Variants in COL5A1 observed in about 807,000 individuals in gnomAD.
COL5A1 encodes collagen alpha-1(V) chain.
In COL5A1, 16 loss-of-function variants were observed where a neutral mutation model predicts 263.7. That is an observed-to-expected ratio of 0.06 (90% CI 0.04 to 0.09). The LOEUF (loss-of-function observed/expected upper bound fraction) is 0.09. COL5A1 is among the 10% of genes least tolerant of loss of function. The pLI, the probability that COL5A1 is intolerant of heterozygous loss-of-function variation, is 1.00. For missense variants in COL5A1, 2,036 were observed against 2,540.5 expected, an observed-to-expected ratio of 0.80 and a Z score of 4.27; for synonymous variants, 1,012 against 1,004.5, an observed-to-expected ratio of 1.01 and a Z score of -0.14.
chr9:134,811,535 T>C lies in COL5A1; in HGVS notation c.3626T>C (p.Phe1209Ser), dbSNP rs1172612547. 2 of 1,597,952 alleles carry C rather than the reference T, an allele frequency of 1.3e-6. No individual in the cohort carries two copies. Among genetic ancestry groups the C allele is most frequent in the Non-Finnish European group, 1.7e-6 (2 of 1,171,770 alleles). The change falls in exon 46 of 66, where the codon TTC (phenylalanine) becomes TCC (serine). Residue 1209 changes from phenylalanine to serine, a missense_variant. Coordinates refer to ENST00000371817, the MANE Select transcript of COL5A1 (RefSeq NM_000093.5). ...GGGCCTCGGGGCCAGCAGGGCCTTT[T>C]CGGGCAGAAAGGTGATGAAGGTCCC... is the stretch of plus-strand genomic sequence containing the variant. ...EPGPRGQQGL[F>S]GQKGDEGPRG...
At chr9:134,661,011 C>G (rs1041459192) in intron 1 of COL5A1, among the ~76,000 whole-genome samples, 4 of 152,036 alleles carry the variant, frequency 2.6e-5, no homozygotes, top group Middle Eastern at 3.4e-3. Flanking sequence ...GAACCATGCA[C>G]CTGGGTTCTT....
chr9:134,705,085 C>G (rs968715902), intron 4 of COL5A1, among the ~76,000 whole-genome samples: 1 of 152,204 alleles, frequency 6.6e-6, no homozygotes, highest in Non-Finnish European at 1.5e-5. Context: ...CCAATCTGTT[C>G]TGTGTTTAGA....
intron 25 of COL5A1, among the ~76,000 whole-genome samples, chr9:134,772,296 A>G (rs1836889207): frequency 6.6e-6 from 1 of 152,252 alleles, no homozygotes; most frequent in East Asian, 1.9e-4. Context: ...CAGCTCAGCA[A>G]TTGCTAGTCC....
At position 134,691,202 on chromosome 9, in the gene COL5A1, C is replaced by T. The variant is rs1008627417; in HGVS notation, c.277+123C>T. 7.9e-6 allele frequency: 10 copies of T among 1,271,926 alleles called. No individual in the cohort carries two copies. In the African/African-American group the frequency reaches 1.5e-4, roughly 19 times the overall value. The allele number at this position is 1,271,926 out of a possible 1,614,324, so 78.8% of individuals were successfully genotyped here. A position where few individuals can be genotyped will look rare whatever the true frequency, so the allele number is the denominator to read the frequency against. ...GCTCAGCTTTCCAGGAAGCCCCTCT[C>T]ACGAGCCCGGCTTCGTTTCACTGTA... On this transcript the variant is annotated intron_variant, in intron 2 of 65. Coordinates refer to ENST00000371817, the MANE Select transcript of COL5A1 (RefSeq NM_000093.5).
chr9:134,819,713 A>G (rs920767418), intron 57 of COL5A1, among the ~76,000 whole-genome samples: 1 of 152,252 alleles, frequency 6.6e-6, no homozygotes, highest in Non-Finnish European at 1.5e-5. Flanking sequence ...TGTAATATCT[A>G]TAATACTCTG....
chr9:134,769,628 T>G (rs1836802460), intron 25 of COL5A1, among the ~76,000 whole-genome samples: 1 of 152,214 alleles, frequency 6.6e-6, no homozygotes, highest in South Asian at 2.1e-4. Context: ...CTGCTGGCTG[T>G]GGTGTCCATG....
chr9:134,814,604 C>A (rs548629130), intron 49 of COL5A1, among the ~76,000 whole-genome samples, 193 bp from the exon 50 acceptor site: 1 of 152,302 alleles, frequency 6.6e-6, no homozygotes, highest in South Asian at 2.1e-4. Flanking sequence ...CTCCTCAGGT[C>A]CCCCTCAGGG....
chr9:134,696,614 G>C lies in COL5A1; in HGVS notation c.278-3295G>C, dbSNP rs1250797620. On this transcript the variant is annotated intron_variant, in intron 2 of 65. Coordinates refer to ENST00000371817, the MANE Select transcript of COL5A1 (RefSeq NM_000093.5). The surrounding 1 kb of genome is among the most constrained non-coding windows in gnomAD (Gnocchi z 4.3). ...TGGCACCAATCACTGTTTATTAGGG[G>C]ATCAGTCACTGTTTATTGATCACGT... 6.6e-6 allele frequency among the ~76,000 whole-genome samples: 1 copy of C among 152,204 alleles called. No homozygotes were observed. Among genetic ancestry groups the C allele is most frequent in the Non-Finnish European group, 1.5e-5 (1 of 68,054 alleles).
At chr9:134,643,032 T>C (rs1199767908) in intron 1 of COL5A1, among the ~76,000 whole-genome samples, 1 of 152,046 alleles carries the variant, frequency 6.6e-6, no homozygotes, top group African/African-American at 2.4e-5. Context: ...CTGTGAGTGG[T>C]TGGGATGATA....
chr9:134,816,110 T>C, intron 52 of COL5A1, 122 bp downstream of exon 52: 1 of 884,064 alleles, frequency 1.1e-6, no homozygotes, highest in Non-Finnish European at 1.9e-6. Flanking sequence ...TCCTTTATGA[T>C]ATCGATTCCC....
At chr9:134,801,283 G>A (rs751023457) in intron 37 of COL5A1, among the ~76,000 whole-genome samples, 1 of 152,228 alleles carries the variant, frequency 6.6e-6, no homozygotes, top group African/African-American at 2.4e-5. Flanking sequence ...AGAGTCACCC[G>A]TCGTGCATCA....
Position 134,680,791 on chromosome 9 carries a change from C to T in COL5A1, c.110-10121C>T, listed in dbSNP as rs1005879893. Reference sequence around the variant, plus strand: ...CAGGGGCAGAAGGACGGGTGAGGGCCGGGACTTTGACATCAGGCAGAGGAG... The same window carrying T: ...CAGGGGCAGAAGGACGGGTGAGGGCTGGGACTTTGACATCAGGCAGAGGAG... On this transcript the variant is annotated intron_variant, in intron 1 of 65. Coordinates refer to ENST00000371817, the MANE Select transcript of COL5A1 (RefSeq NM_000093.5). This position sits in a 1 kb window ranked among gnomAD's most constrained non-coding sequence, Gnocchi z 5.9. Among the ~76,000 whole-genome samples, 11 of 152,272 alleles carry T rather than the reference C, an allele frequency of 7.2e-5. No homozygotes were observed. The highest frequency in any genetic ancestry group is 1.9e-4 in the African/African-American group (8 of 41,540).
intron 24 of COL5A1, 117 bp from the exon 25 acceptor site, chr9:134,768,293 C>A: frequency 1.0e-6 from 1 of 973,862 alleles, no homozygotes; most frequent in Non-Finnish European, 1.7e-6. Context: ...CCTCTGACCA[C>A]ACTTCTCAGC....
chr9:134,727,349 C>T lies in COL5A1; in HGVS notation c.738C>T (p.Thr246=), dbSNP rs3124299. 691,370 of 1,612,790 alleles carry T rather than the reference C, an allele frequency of 0.43. 154,153 individuals are homozygous for T. Among genetic ancestry groups the T allele is most frequent in the Admixed American group, 0.57 (34,131 of 59,990 alleles). ...AGCACTACAGCCCTGACTGTGACAC[C>T]GCAGTACCTGACACCCCACAGTCGC... ...YCEHYSPDCD[T]AVPDTPQSQD... is the part of the protein sequence containing the mutation. Residue 246 remains threonine, a synonymous_variant, in exon 5 of 66, where the codon ACC becomes ACT. Coordinates refer to ENST00000371817, the MANE Select transcript of COL5A1 (RefSeq NM_000093.5).
intron 39 of COL5A1, among the ~76,000 whole-genome samples, chr9:134,803,368 C>T (rs1838180145): frequency 6.6e-6 from 1 of 152,152 alleles, no homozygotes; most frequent in Admixed American, 6.5e-5. Flanking sequence ...GGTGCAGTGG[C>T]TCACGCCTGT....
rs1839792296 is a variant in COL5A1 at position 134,834,923 on chromosome 9, C to T, written c.5137-48C>T. On this transcript the variant is annotated intron_variant, in intron 64 of 65. Coordinates refer to ENST00000371817, the MANE Select transcript of COL5A1 (RefSeq NM_000093.5). ...GCAGTGCGGACGTGGGGCTTTGTTG[C>T]TGTGTGTGTCCCCACCCTGCTGAGC... 9 of 1,349,340 alleles carry T rather than the reference C, an allele frequency of 6.7e-6. No individual in the cohort carries two copies. The South Asian group carries it at 9.6e-5, about 14-fold the overall frequency. 83.6% of individuals were successfully genotyped at this position (1,349,340 alleles called of 1,614,324 possible).
intron 6 of COL5A1, 91 bp downstream of exon 6, chr9:134,728,898 G>T: frequency 6.5e-7 from 1 of 1,541,220 alleles, no homozygotes; most frequent in Non-Finnish European, 8.9e-7. Flanking sequence ...TGTCAGGGTA[G>T]AGGGTTGGGG....
At chr9:134,643,842 C>T (rs762599972) in intron 1 of COL5A1, among the ~76,000 whole-genome samples, 11 of 152,166 alleles carry the variant, frequency 7.2e-5, no homozygotes, top group Non-Finnish European at 1.0e-4. Context: ...TCAGGGGAAT[C>T]GTCACCCTAG....
At chr9:134,650,385 A>G (rs573768141) in intron 1 of COL5A1, among the ~76,000 whole-genome samples, 1 of 152,070 alleles carries the variant, frequency 6.6e-6, no homozygotes, top group Admixed American at 6.5e-5. Flanking sequence ...GTACAGAGGG[A>G]ACAGATGGGG....
Sources: gnomAD v4.1 joint callset for allele counts (sites outside exome capture counted in the v4.1 genomes callset) on GRCh38, gnomAD v4.1.1 for gene constraint, Gnocchi (gnomAD v3.1) non-coding constraint, MANE v1.5 for transcripts, NCBI Gene and HGNC (gene_info 2026-07-23, HGNC 2026-07-21) for gene names.